Variants in GABBR2 observed in about 807,000 individuals in gnomAD.
GABBR2 encodes gamma-aminobutyric acid type B receptor subunit 2.
A neutral mutation model predicts 105.6 loss-of-function variants in GABBR2; 23 were observed. That is an observed-to-expected ratio of 0.22 (90% CI 0.16 to 0.31). The LOEUF is 0.31. Among genes scored for constraint, GABBR2 ranks in the 10% least tolerant of loss-of-function variants. The pLI, the probability that GABBR2 is intolerant of heterozygous loss-of-function variation, is 1.00. For missense variants in GABBR2, 734 were observed against 1,245.5 expected (o/e 0.59, Z 6.18); for synonymous variants, 478 against 499.7 (o/e 0.96, Z 0.58).
chr9:98,480,302 G>A (rs1166951915), intron 5 of GABBR2, among the ~76,000 whole-genome samples: 1 of 152,106 alleles, frequency 6.6e-6, no homozygotes, highest in African/African-American at 2.4e-5. Context: ...AAGTCATATG[G>A]AGAAAACCTT....
intron 1 of GABBR2, among the ~76,000 whole-genome samples, chr9:98,602,225 G>A (rs1654416090): frequency 6.6e-6 from 1 of 151,184 alleles, no homozygotes; most frequent in Admixed American, 6.6e-5. Flanking sequence ...TGTAATCCCA[G>A]CACTTTGGGA....
chr9:98,466,326 T>C (rs957593004), intron 6 of GABBR2, among the ~76,000 whole-genome samples: 6 of 152,238 alleles, frequency 3.9e-5, no homozygotes, highest in Middle Eastern at 3.2e-3. Context: ...GAAGAATGGT[T>C]ACATCTGGCA....
intron 11 of GABBR2, among the ~76,000 whole-genome samples, chr9:98,373,167 C>T (rs775462328): frequency 4.1e-4 from 63 of 152,160 alleles, no homozygotes; most frequent in Admixed American, 6.5e-4. Flanking sequence ...ACAGATAATA[C>T]ATTTGTCATC....
At chr9:98,336,424 G>A (rs368495182) in intron 13 of GABBR2, among the ~76,000 whole-genome samples, 9 of 152,208 alleles carry the variant, frequency 5.9e-5, no homozygotes, top group Non-Finnish European at 1.3e-4. Flanking sequence ...AAAGATATCT[G>A]GCTGGGCGCA....
chr9:98,706,197 G>A (rs79245777), intron 1 of GABBR2, among the ~76,000 whole-genome samples: 13,042 of 151,546 alleles, frequency 0.086, 653 homozygotes, highest in Non-Finnish European at 0.11. Flanking sequence ...AGCACTGGCC[G>A]CTGAGCCTGC....
chr9:98,411,438 T>G (rs1009403458), intron 7 of GABBR2, among the ~76,000 whole-genome samples: 4 of 152,212 alleles, frequency 2.6e-5, no homozygotes, highest in African/African-American at 4.8e-5. Flanking sequence ...TTTCTCAGGG[T>G]TGTTTCTGAG....
chr9:98,438,259 C>T (rs1366386686), intron 7 of GABBR2, among the ~76,000 whole-genome samples: 3 of 152,088 alleles, frequency 2.0e-5, no homozygotes, highest in Non-Finnish European at 1.5e-5. Context: ...CACTCATTCG[C>T]CATTCACTCC....
At chr9:98,569,273 G>A (rs1419354674) in intron 2 of GABBR2, among the ~76,000 whole-genome samples, 4 of 152,154 alleles carry the variant, frequency 2.6e-5, no homozygotes, top group Non-Finnish European at 5.9e-5. Context: ...AGGTTGTGGC[G>A]GGATTCTGGC....
chr9:98,644,338 A>G (rs1372731542), intron 1 of GABBR2, among the ~76,000 whole-genome samples: 1 of 152,252 alleles, frequency 6.6e-6, no homozygotes, highest in Non-Finnish European at 1.5e-5. Context: ...ACAGTGGGAA[A>G]GGAGTCAGGG....
chr9:98,315,113 C>A (rs750656351), intron 13 of GABBR2, among the ~76,000 whole-genome samples: 1 of 152,152 alleles, frequency 6.6e-6, no homozygotes, highest in Non-Finnish European at 1.5e-5. Context: ...CCCCTTCCCC[C>A]GCAACCCCAC....
rs534042398 is a variant in GABBR2 at position 98,335,024 on chromosome 9, A to T, written c.1894-23819T>A. Among the ~76,000 whole-genome samples, 3 of 152,234 alleles carry T rather than the reference A, an allele frequency of 2.0e-5. No homozygotes were observed. In the South Asian group the frequency reaches 6.2e-4, roughly 32 times the overall value. On this transcript the variant is annotated intron_variant, in intron 13 of 18. Coordinates refer to ENST00000259455, the MANE Select transcript of GABBR2 (RefSeq NM_005458.8). ...AGTGGTTTCCTTGTGATTGTAGAGC[A>T]CTTAGAAACAAACCTGCCTAAAGTT...
intron 7 of GABBR2, among the ~76,000 whole-genome samples, chr9:98,429,244 A>T (rs1460776574): frequency 1.3e-5 from 2 of 151,480 alleles, no homozygotes; most frequent in South Asian, 2.1e-4. Flanking sequence ...AGTTCAAGCG[A>T]TCCTCCTGCA....
chr9:98,683,679 A>C (rs883443), intron 1 of GABBR2, among the ~76,000 whole-genome samples: 14,263 of 151,918 alleles, frequency 0.094, 755 homozygotes, highest in Non-Finnish European at 0.11. Flanking sequence ...GAAAAAAAAA[A>C]CCAACAACTA....
chr9:98,378,721 C>T (rs550424046), intron 11 of GABBR2, among the ~76,000 whole-genome samples: 2 of 152,164 alleles, frequency 1.3e-5, no homozygotes, highest in African/African-American at 4.8e-5. Flanking sequence ...GGATGGGGGC[C>T]ACCCTTTGGC....
chr9:98,396,678 G>C (rs993545983), intron 8 of GABBR2, among the ~76,000 whole-genome samples: 2 of 152,164 alleles, frequency 1.3e-5, no homozygotes, highest in Non-Finnish European at 2.9e-5. Flanking sequence ...AGGTCCTGCT[G>C]CTCAGAGGAG....
intron 14 of GABBR2, among the ~76,000 whole-genome samples, chr9:98,307,187 T>C (rs764429039): frequency 7.9e-5 from 12 of 152,126 alleles, no homozygotes; most frequent in Non-Finnish European, 1.2e-4. Flanking sequence ...TCTTCAACCA[T>C]TATTATTTTG....
At chr9:98,449,149 C>T (rs1490068774) in intron 7 of GABBR2, among the ~76,000 whole-genome samples, 1 of 152,214 alleles carries the variant, frequency 6.6e-6, no homozygotes, top group Non-Finnish European at 1.5e-5. Context: ...ACCACATGCA[C>T]AGGAGGGTTC....
chr9:98,602,840 A>T (rs1829361433), intron 1 of GABBR2, among the ~76,000 whole-genome samples: 1 of 152,182 alleles, frequency 6.6e-6, no homozygotes, highest in African/African-American at 2.4e-5. Context: ...TGGATTCCAC[A>T]ACGTGGGGCC....
At chr9:98,508,752 A>G (rs959020773) in intron 3 of GABBR2, among the ~76,000 whole-genome samples, 2 of 134,370 alleles carry the variant, frequency 1.5e-5, no homozygotes, top group Admixed American at 7.7e-5. Context: ...TTGTTTGATT[A>G]GGTAAACAAA....
Sources: allele counts gnomAD v4.1 joint callset (sites outside exome capture counted in the v4.1 genomes callset), GRCh38; gene constraint gnomAD v4.1.1; transcripts MANE v1.5; gene names NCBI Gene and HGNC (gene_info 2026-07-23, HGNC 2026-07-21).